The following SULF2 variants were observed in gnomAD, a reference collection of about 807,000 sequenced individuals.
SULF2 encodes sulfatase 2, also known as extracellular sulfatase Sulf-2.
In SULF2, 52 loss-of-function variants were observed where a neutral mutation model predicts 107.7. That is an observed-to-expected ratio of 0.48 (90% CI 0.39 to 0.61). SULF2 has a LOEUF of 0.61. Ranked by LOEUF, SULF2 falls within the 20% of genes least tolerant of loss-of-function variation. The probability of loss-of-function intolerance (pLI) is 0.00; values close to 1 mark genes in which losing one functional copy is unlikely to be tolerated. For synonymous variants in SULF2, 460 were observed against 464.3 expected (o/e 0.99, Z 0.12); for missense variants, 993 against 1,177.3 (o/e 0.84, Z 2.29).
chr20:47,682,879 G>A (rs1368401857), intron 7 of SULF2, 115 bp downstream of exon 7: 2 of 1,038,564 alleles, frequency 1.9e-6, no homozygotes, highest in Non-Finnish European at 2.8e-6. Context: ...TGGCCCTGGG[G>A]TACATCTGCG....
At chr20:47,764,984 G>A (rs547757168) in intron 1 of SULF2, among the ~76,000 whole-genome samples, 19 of 152,222 alleles carry the variant, frequency 1.2e-4, no homozygotes, top group South Asian at 1.2e-3. Flanking sequence ...GCCCAGTGTC[G>A]TGCAGCATGG....
rs1292765014 is a variant in SULF2 at position 47,680,284 on chromosome 20, G to A, written c.1065-1480C>T. Among the ~76,000 whole-genome samples, 4 of 152,110 alleles carry A rather than the reference G, an allele frequency of 2.6e-5. No homozygotes were observed. Among genetic ancestry groups the A allele is most frequent in the Admixed American group, 1.3e-4 (2 of 15,262 alleles). The stretch of plus-strand genomic sequence containing the variant: ...CACACCCATAATTTTTGTACTTTTA[G>A]TAGAGGTGGGGTTTCACCATGTTGG... On this transcript the variant is annotated intron_variant, in intron 7 of 20. Transcript: ENST00000688720. This position sits in a 1 kb window ranked among gnomAD's most constrained non-coding sequence, Gnocchi z 4.2.
At chr20:47,720,682 T>C (rs937858994) in intron 3 of SULF2, among the ~76,000 whole-genome samples, 2 of 152,144 alleles carry the variant, frequency 1.3e-5, no homozygotes, top group Non-Finnish European at 1.5e-5. Flanking sequence ...AGCTGCCATT[T>C]TGCAAGATCC....
At chr20:47,755,053 G>C (rs1219457007) in intron 2 of SULF2, among the ~76,000 whole-genome samples, 4 of 152,060 alleles carry the variant, frequency 2.6e-5, no homozygotes, top group African/African-American at 9.7e-5. Context: ...GCCCAGGCTG[G>C]TCTCGAACTC....
chr20:47,687,958 T>C (rs1474576823), intron 5 of SULF2, among the ~76,000 whole-genome samples: 1 of 152,094 alleles, frequency 6.6e-6, no homozygotes, highest in African/African-American at 2.4e-5. Context: ...TTGTGTGGTA[T>C]GTCTTTGTGT....
intron 5 of SULF2, 120 bp from the exon 6 acceptor site, chr20:47,684,701 G>A (rs751224797): frequency 3.0e-4 from 295 of 970,246 alleles, no homozygotes; most frequent in Non-Finnish European, 4.4e-4. Context: ...CCAGGGCCAG[G>A]TGTGATCTCC....
chr20:47,700,850 TG>T (rs2088542407), intron 4 of SULF2, among the ~76,000 whole-genome samples: 1 of 152,112 alleles, frequency 6.6e-6, no homozygotes, highest in Admixed American at 6.5e-5. Context: ...TTCACCATGT[TG>T]GCCAGGCTGG....
In SULF2 at chr20:47,672,416, G is replaced by A. The variant is rs576450340; in HGVS notation, c.1381-23C>T. 139 of 1,553,576 alleles carry A rather than the reference G, an allele frequency of 8.9e-5. 1 individual carries two copies. The Admixed American group carries it at 2.4e-3, about 27-fold the overall frequency. Reference sequence around the variant, plus strand: ...CTTCTGAAAGACATGCCAGGGCCTCGGCCAGCTGCTCATCTGCTCCCCTAA... The same window carrying A: ...CTTCTGAAAGACATGCCAGGGCCTCAGCCAGCTGCTCATCTGCTCCCCTAA... On this transcript the variant is annotated intron_variant, in intron 10 of 20. Coordinates refer to ENST00000688720, the MANE Select transcript of SULF2 (RefSeq NM_001387048.1).
chr20:47,740,945 T>C (rs1374853528), intron 2 of SULF2, among the ~76,000 whole-genome samples: 1 of 152,122 alleles, frequency 6.6e-6, no homozygotes, highest in African/African-American at 2.4e-5. Context: ...GCAATCATCT[T>C]GGCTACGGTT....
intron 3 of SULF2, among the ~76,000 whole-genome samples, chr20:47,729,341 G>T (rs978885867): frequency 2.0e-5 from 3 of 152,164 alleles, no homozygotes; most frequent in Non-Finnish European, 4.4e-5. Context: ...GCCAAGGAGG[G>T]CTCTGCCCAG....
chr20:47,722,421 T>G (rs939855067), intron 3 of SULF2, among the ~76,000 whole-genome samples: 1 of 152,030 alleles, frequency 6.6e-6, no homozygotes, highest in Non-Finnish European at 1.5e-5. Context: ...CCACTATGCC[T>G]GGCCAGTTTT....
intron 11 of SULF2, among the ~76,000 whole-genome samples, chr20:47,669,583 G>A (rs1446874324): frequency 6.6e-6 from 1 of 152,058 alleles, no homozygotes; most frequent in Non-Finnish European, 1.5e-5. Context: ...GGGACAGAGT[G>A]TCTTGTCGGA....
chr20:47,779,175 C>A (rs539183941), intron 1 of SULF2, among the ~76,000 whole-genome samples: 60 of 152,206 alleles, frequency 3.9e-4, no homozygotes, highest in Non-Finnish European at 7.6e-4. Flanking sequence ...TGGGCTGAAT[C>A]ATTTTTCACT....
At chr20:47,764,589 G>A (rs2090488751) in intron 1 of SULF2, among the ~76,000 whole-genome samples, 1 of 152,180 alleles carries the variant, frequency 6.6e-6, no homozygotes, top group Non-Finnish European at 1.5e-5. Context: ...GGGAGTCCTG[G>A]AGGCTGGAGG....
chr20:47,662,036 G>T, intron 17 of SULF2, 140 bp from the exon 18 acceptor site: 2 of 853,632 alleles, frequency 2.3e-6, no homozygotes, highest in Non-Finnish European at 3.2e-6. Flanking sequence ...TCCAACTTCT[G>T]CAAGAGCCAG....
At chr20:47,745,424 T>TAC (rs2090006817) in intron 2 of SULF2, among the ~76,000 whole-genome samples, 2 of 4,928 alleles carry the variant, frequency 4.1e-4, no homozygotes, top group East Asian at 0.023. Context: ...TATATATATA[T>TAC]ATATATATAT....
chr20:47,713,770 A>T (rs935183811), intron 3 of SULF2, among the ~76,000 whole-genome samples: 168 of 152,166 alleles, frequency 1.1e-3, no homozygotes, highest in South Asian at 2.9e-3. Flanking sequence ...AAAATAATAA[A>T]AAACAAAAAA....
intron 3 of SULF2, among the ~76,000 whole-genome samples, chr20:47,713,434 T>C (rs1600548767): frequency 6.6e-6 from 1 of 152,128 alleles, no homozygotes; most frequent in East Asian, 1.9e-4. Flanking sequence ...GTTGTCCAAA[T>C]GTACCATTAA....
rs535455810 is a variant in SULF2 at position 47,717,036 on chromosome 20, G to T, written c.416-14366C>A. Among the ~76,000 whole-genome samples, 5 of 152,232 alleles carry T rather than the reference G, an allele frequency of 3.3e-5. No homozygotes were observed. In the South Asian group the frequency reaches 1.0e-3, roughly 32 times the overall value. ...AAAAATAAAATAAAATGGGTATGCA[G>T]ATGGAAAAGGGAAGAGTATTTTAAT... is the stretch of plus-strand genomic sequence containing the variant. On this transcript the variant is annotated intron_variant, in intron 3 of 20. Transcript: ENST00000688720.
Sources: gnomAD v4.1 joint callset for allele counts (sites outside exome capture counted in the v4.1 genomes callset) on GRCh38, gnomAD v4.1.1 for gene constraint, Gnocchi (gnomAD v3.1) non-coding constraint, MANE v1.5 for transcripts, NCBI Gene and HGNC (gene_info 2026-07-23, HGNC 2026-07-21) for gene names.